Variants in UGT1A8 observed in about 807,000 individuals in gnomAD.
UGT1A8 encodes UDP glucuronosyltransferase family 1 member A8.
UGT1A8 carries 39 observed loss-of-function variants against 45.3 expected under a neutral mutation model. The ratio of observed to expected loss-of-function variants is 0.86; its 90% CI spans 0.67 to 1.12. The LOEUF is 1.12. Among genes scored for constraint, UGT1A8 ranks in the 50% most tolerant of loss-of-function variants. The probability of loss-of-function intolerance (pLI) is 0.00; values close to 1 mark genes in which losing one functional copy is unlikely to be tolerated. For missense variants in UGT1A8, 719 were observed against 664.9 expected (o/e 1.08, Z -0.90); for synonymous variants, 275 against 249.2 (o/e 1.10, Z -0.97).
intron 1 of UGT1A8, among the ~76,000 whole-genome samples, chr2:233,712,595 G>A (rs1037088444): frequency 6.6e-6 from 1 of 152,200 alleles, no homozygotes; most frequent in African/African-American, 2.4e-5. Context: ...AGACCATATG[G>A]TTGGGGACTA....
At chr2:233,703,155 C>T (rs1046726596) in intron 1 of UGT1A8, among the ~76,000 whole-genome samples, 1 of 152,038 alleles carries the variant, frequency 6.6e-6, no homozygotes, top group Non-Finnish European at 1.5e-5. Flanking sequence ...TTTTGTATTT[C>T]TTCTTGATTC....
chr2:233,759,167 C>T (rs1180599090), intron 1 of UGT1A8, among the ~76,000 whole-genome samples: 1 of 152,178 alleles, frequency 6.6e-6, no homozygotes, highest in African/African-American at 2.4e-5. Flanking sequence ...ACAAGGCAGG[C>T]AGGTTTCACG....
At chr2:233,711,521 C>T (rs2076185051) in intron 1 of UGT1A8, among the ~76,000 whole-genome samples, 1 of 152,188 alleles carries the variant, frequency 6.6e-6, no homozygotes, top group East Asian at 1.9e-4. Context: ...TCTGTGTCCT[C>T]ACAACTCCCC....
chr2:233,738,671 G>A (rs6722076), intron 1 of UGT1A8, among the ~76,000 whole-genome samples: 41,235 of 152,112 alleles, frequency 0.27, 5,866 homozygotes, highest in South Asian at 0.39. Context: ...TGAGAGAGAT[G>A]ATCTGAAATT....
At chr2:233,666,534 T>C (rs536128624) in intron 1 of UGT1A8, among the ~76,000 whole-genome samples, 3 of 152,336 alleles carry the variant, frequency 2.0e-5, no homozygotes, top group African/African-American at 7.2e-5. Context: ...TAAAAAACAT[T>C]TTTTAAAATT....
intron 1 of UGT1A8, among the ~76,000 whole-genome samples, chr2:233,766,376 C>T (rs1699131127): frequency 6.6e-6 from 1 of 152,176 alleles, no homozygotes; most frequent in Admixed American, 6.5e-5. Context: ...GAGTTCTTCT[C>T]AATGTCCAGC....
At chr2:233,753,689 A>C (rs1483181557) in intron 1 of UGT1A8, 1 of 152,256 alleles carries the variant, frequency 6.6e-6, no homozygotes, top group African/African-American at 2.4e-5. Flanking sequence ...AAACAATATT[A>C]CAGATGCACT....
chr2:233,639,234 A>G (rs2073383785), intron 1 of UGT1A8, among the ~76,000 whole-genome samples: 1 of 152,236 alleles, frequency 6.6e-6, no homozygotes, highest in Non-Finnish European at 1.5e-5. Context: ...GTGTTTCTAT[A>G]TCTATTAAAG....
At chr2:233,729,642 T>A in intron 1 of UGT1A8, 2 of 1,613,942 alleles carry the variant, frequency 1.2e-6, no homozygotes, top group Non-Finnish European at 1.7e-6. Context: ...CTGTGTTTTT[T>A]TTGAGGAACA....
chr2:233,662,329 T>C (rs1328971039), intron 1 of UGT1A8, among the ~76,000 whole-genome samples: 1 of 152,224 alleles, frequency 6.6e-6, no homozygotes. Context: ...TTGTAGGCTA[T>C]GTGGCTTATC....
chr2:233,761,161 G>A lies in UGT1A8; in HGVS notation c.856-5873G>A, dbSNP rs1276914496. ...AAATCCACTATCCCAGGTGTGTATT[G>A]GAGTGGGACTTTTACATGCGTATAT... is the stretch of plus-strand genomic sequence containing the variant. On this transcript the variant is annotated intron_variant, in intron 1 of 4. Transcript: ENST00000373450. The A allele has an allele frequency of 6.2e-7, 1 of 1,614,176 alleles. No homozygotes were observed. The highest frequency in any genetic ancestry group is 1.7e-5 in the Admixed American group (1 of 60,028).
chr2:233,694,710 C>T (rs934435713), intron 1 of UGT1A8, among the ~76,000 whole-genome samples: 1 of 152,132 alleles, frequency 6.6e-6, no homozygotes, highest in African/African-American at 2.4e-5. Flanking sequence ...TTCTTTACAC[C>T]TGCTGATTTC....
intron 1 of UGT1A8, chr2:233,713,022 C>T (rs759060249): frequency 2.5e-6 from 4 of 1,613,644 alleles, no homozygotes; most frequent in East Asian, 2.2e-5. Context: ...TCCCCTGCCG[C>T]AGCTGGCCAC....
At position 233,713,984 on chromosome 2, in the gene UGT1A8, G is replaced by T. The variant is rs562772168; in HGVS notation, c.856-53050G>T. 6.3e-4 allele frequency: 992 copies of T among 1,585,892 alleles called. 2 individuals are homozygous for T. Among genetic ancestry groups the T allele is most frequent in the Non-Finnish European group, 8.0e-4 (939 of 1,166,642 alleles). ...GATTTCATTTCTGCTTCTCATTGTT[G>T]TAATAGTCTTCAGTGAGATAAACTT... On this transcript the variant is annotated intron_variant, in intron 1 of 4. Transcript: ENST00000373450.
At chr2:233,714,443 C>T (rs1316145687) in intron 1 of UGT1A8, among the ~76,000 whole-genome samples, 1 of 152,048 alleles carries the variant, frequency 6.6e-6, no homozygotes, top group Non-Finnish European at 1.5e-5. Flanking sequence ...AGTTCAGTTT[C>T]CAGAGAGGGA....
rs942942748 is a variant in UGT1A8, at chr2:233,747,245, G to A, written c.856-19789G>A. 1.9e-6 allele frequency: 3 copies of A among 1,602,546 alleles called. No individual in the cohort carries two copies. In the African/African-American group the frequency reaches 4.0e-5, roughly 22 times the overall value. On this transcript the variant is annotated intron_variant, in intron 1 of 4. Transcript: ENST00000373450. ...ACAGGACCCCAGGTTCCCCTGCTGT[G>A]GCTGGCCACAGGAGTGCTACTCCTT... is the stretch of plus-strand genomic sequence containing the variant.
rs2074250607 is a variant in UGT1A8, at chr2:233,673,103, C to T, written c.855+54541C>T. Among the ~76,000 whole-genome samples, 3 of 152,104 alleles carry T rather than the reference C, an allele frequency of 2.0e-5. No homozygotes were observed. In the South Asian group the frequency reaches 6.2e-4, roughly 32 times the overall value. ...TCCCTTTTTTGTTAATTCTATATGCCCGCCCCAGAGGAAATGGTCTTAGTT... is the reference window on the plus strand; with the variant it reads ...TCCCTTTTTTGTTAATTCTATATGCTCGCCCCAGAGGAAATGGTCTTAGTT... On this transcript the variant is annotated intron_variant, in intron 1 of 4. Coordinates refer to ENST00000373450, the MANE Select transcript of UGT1A8 (RefSeq NM_019076.5).
intron 1 of UGT1A8, among the ~76,000 whole-genome samples, chr2:233,633,307 G>A (rs1180932822): frequency 6.6e-6 from 1 of 152,156 alleles, no homozygotes; most frequent in Non-Finnish European, 1.5e-5. Flanking sequence ...CCTGGTATCA[G>A]GATGATGCTG....
intron 1 of UGT1A8, chr2:233,750,548 G>C (rs1694498401): frequency 1.3e-5 from 2 of 151,982 alleles, no homozygotes; most frequent in African/African-American, 4.9e-5. Context: ...GTGCACATCA[G>C]AGACCTTTGC....
Sources: gnomAD v4.1 joint callset for allele counts (sites outside exome capture counted in the v4.1 genomes callset) on GRCh38, gnomAD v4.1.1 for gene constraint, MANE v1.5 for transcripts, NCBI Gene and HGNC (gene_info 2026-07-23, HGNC 2026-07-21) for gene names.